Variants in SLAMF6 observed in about 807,000 individuals in gnomAD.
SLAMF6 encodes the protein NK-T-B-antigen.
A neutral mutation model predicts 38.3 loss-of-function variants in SLAMF6; 21 were observed. That is an observed-to-expected ratio of 0.55 (90% CI 0.39 to 0.79). SLAMF6 has a LOEUF of 0.79. SLAMF6 is among the 30% of genes least tolerant of loss of function. The pLI is 0.00. For synonymous variants in SLAMF6, 152 were observed against 146.3 expected (o/e 1.04, Z -0.28); for missense variants, 341 against 385.3 (o/e 0.89, Z 0.96).
rs1324798779 is a variant in SLAMF6, at chr1:160,487,085, G to A, written c.951+19C>T. ...GAGAGAGGTAAGAATATAAAAACAT[G>A]GAGCAATCGTGGGCTTACCTCTTTG... On this transcript the variant is annotated intron_variant, in intron 7 of 7. Transcript: ENST00000368057. The A allele has an allele frequency of 6.3e-6, 10 of 1,577,720 alleles. No homozygotes were observed. The highest frequency in any genetic ancestry group is 8.7e-6 in the Non-Finnish European group (10 of 1,148,694).
chr1:160,502,113 C>T (rs1414628032), intron 1 of SLAMF6, among the ~76,000 whole-genome samples: 1 of 152,112 alleles, frequency 6.6e-6, no homozygotes, highest in African/African-American at 2.4e-5. Context: ...CTCTGCTCTG[C>T]CAGGAATCAA....
intron 1 of SLAMF6, among the ~76,000 whole-genome samples, chr1:160,512,376 T>C (rs1452553830): frequency 1.3e-5 from 2 of 152,218 alleles, no homozygotes; most frequent in Non-Finnish European, 2.9e-5. Context: ...ATTGAGTCCC[T>C]GTGGGTACTG....
intron 1 of SLAMF6, among the ~76,000 whole-genome samples, chr1:160,510,119 T>C (rs565883508): frequency 1.3e-5 from 2 of 152,190 alleles, no homozygotes; most frequent in East Asian, 3.9e-4. Context: ...AAAAACCTCC[T>C]GACAAAGAAA....
chr1:160,491,530 T>C (rs1367428233), intron 2 of SLAMF6, 142 bp from the exon 3 acceptor site: 2 of 1,204,456 alleles, frequency 1.7e-6, no homozygotes, highest in African/African-American at 3.1e-5. Context: ...TGACTCTGCT[T>C]ATATTGCCTA....
chr1:160,496,187 G>C lies in SLAMF6; in HGVS notation c.256C>G (p.Leu86Val). ...AGGGAGTAGGACTGGGTGAAGTTCA[G>C]TCGCTTTCCCTGTTTCGGATTAGTC... ...HVTNPKQGKRLNFTQSYSLQL... is the reference protein window; with the variant it reads ...HVTNPKQGKRVNFTQSYSLQL... The change falls in exon 2 of 8, where the codon CTG (leucine) becomes GTG (valine). Residue 86 changes from leucine (L) to valine (V), a missense_variant. Coordinates refer to ENST00000368057, the MANE Select transcript of SLAMF6 (RefSeq NM_001184714.2). The C allele has an allele frequency of 6.2e-6, 10 of 1,613,942 alleles. No homozygotes were observed. The highest frequency in any genetic ancestry group is 8.5e-6 in the Non-Finnish European group (10 of 1,179,922).
intron 1 of SLAMF6, among the ~76,000 whole-genome samples, chr1:160,496,972 G>C (rs1328947041): frequency 6.6e-6 from 1 of 152,174 alleles, no homozygotes; most frequent in African/African-American, 2.4e-5. Flanking sequence ...TCCATTTATA[G>C]ATAAAGGAAC....
intron 6 of SLAMF6, among the ~76,000 whole-genome samples, chr1:160,487,957 G>A (rs1397505130): frequency 6.6e-6 from 1 of 151,932 alleles, no homozygotes; most frequent in Non-Finnish European, 1.5e-5. Flanking sequence ...TGATGTGATG[G>A]TGCTCGCCTG....
At chr1:160,489,279 A>G in intron 5 of SLAMF6, 109 bp from the exon 6 acceptor site, 1 of 1,019,414 alleles carries the variant, frequency 9.8e-7, no homozygotes, top group East Asian at 2.5e-5. Flanking sequence ...AGGTGTTTGA[A>G]GCATCTCCTT....
At chr1:160,494,739 G>A (rs1653482742) in intron 2 of SLAMF6, among the ~76,000 whole-genome samples, 1 of 152,120 alleles carries the variant, frequency 6.6e-6, no homozygotes, top group South Asian at 2.1e-4. Context: ...ACCAAGGAGT[G>A]TTGACAGCAA....
intron 1 of SLAMF6, among the ~76,000 whole-genome samples, chr1:160,500,436 C>G (rs1203977227): frequency 6.6e-6 from 1 of 152,134 alleles, no homozygotes; most frequent in African/African-American, 2.4e-5. Context: ...TGTACTTTCT[C>G]CAAGTATCCA....
At chr1:160,487,660 A>G (rs1389354850) in intron 6 of SLAMF6, among the ~76,000 whole-genome samples, 1 of 152,206 alleles carries the variant, frequency 6.6e-6, no homozygotes, top group African/African-American at 2.4e-5. Context: ...AATTGGTAGA[A>G]TAGGAACACT....
At chr1:160,511,343 C>T (rs1336246451) in intron 1 of SLAMF6, among the ~76,000 whole-genome samples, 1 of 152,124 alleles carries the variant, frequency 6.6e-6, no homozygotes, top group African/African-American at 2.4e-5. Flanking sequence ...GTAATCAAAA[C>T]AGTGTGGTAC....
In SLAMF6 at chr1:160,518,587, A is replaced by G. The variant is rs190113275; in HGVS notation, c.49+4557T>C. The stretch of plus-strand genomic sequence containing the variant: ...ACGTATACACCACGGAATACTATGC[A>G]GCCATAAAAAGGAATGAAATCATGT... On this transcript the variant is annotated intron_variant, in intron 1 of 7. Coordinates refer to ENST00000368057, the MANE Select transcript of SLAMF6 (RefSeq NM_001184714.2). Among the ~76,000 whole-genome samples, 3 of 152,356 alleles carry G rather than the reference A, an allele frequency of 2.0e-5. No individual in the cohort carries two copies. In the East Asian group the frequency reaches 5.8e-4, roughly 29 times the overall value.
chr1:160,506,381 GAA>G (rs112455915), intron 1 of SLAMF6, among the ~76,000 whole-genome samples: 4 of 149,708 alleles, frequency 2.7e-5, no homozygotes, highest in African/African-American at 9.8e-5. Context: ...GGTGCTGAAA[GAA>G]AAAAAAACAC....
chr1:160,505,495 G>A (rs191811351), intron 1 of SLAMF6, among the ~76,000 whole-genome samples: 1 of 152,240 alleles, frequency 6.6e-6, no homozygotes, highest in East Asian at 1.9e-4. Flanking sequence ...TCTGCCTCCT[G>A]GGCTGAAGTC....
chr1:160,510,786 T>C (rs1023666969), intron 1 of SLAMF6, among the ~76,000 whole-genome samples: 1 of 152,178 alleles, frequency 6.6e-6, no homozygotes, highest in Non-Finnish European at 1.5e-5. Context: ...TGAAAAAGAA[T>C]GTGTAAAACT....
intron 1 of SLAMF6, among the ~76,000 whole-genome samples, chr1:160,517,774 G>A (rs1341166528): frequency 6.6e-6 from 1 of 152,166 alleles, no homozygotes; most frequent in African/African-American, 2.4e-5. Context: ...AACACTGCAT[G>A]TTCTCACTTG....
chr1:160,488,216 G>C (rs1404507916), intron 6 of SLAMF6, among the ~76,000 whole-genome samples: 3 of 151,822 alleles, frequency 2.0e-5, no homozygotes, highest in South Asian at 4.2e-4. Flanking sequence ...TGGGAAATTA[G>C]TTTTTTGATT....
chr1:160,511,655 G>T (rs1422445794), intron 1 of SLAMF6, among the ~76,000 whole-genome samples: 1 of 152,102 alleles, frequency 6.6e-6, no homozygotes, highest in Non-Finnish European at 1.5e-5. Flanking sequence ...TTTGATTTGG[G>T]AATGGATTCT....
Sources: allele counts gnomAD v4.1 joint callset (sites outside exome capture counted in the v4.1 genomes callset), GRCh38; gene constraint gnomAD v4.1.1; transcripts MANE v1.5; gene names NCBI Gene and HGNC (gene_info 2026-07-23, HGNC 2026-07-21).